The following NLGN1 variants were observed in gnomAD, a reference collection of about 807,000 sequenced individuals.
NLGN1 encodes the protein neuroligin 1, also known as neuroligin-1.
NLGN1 carries 12 observed loss-of-function variants against 65.5 expected under a neutral mutation model. The ratio of observed to expected loss-of-function variants is 0.18; its 90% CI spans 0.12 to 0.30. The LOEUF (loss-of-function observed/expected upper bound fraction) is 0.30, where lower values mean the gene tolerates loss of function less well. NLGN1 is among the 10% of genes least tolerant of loss of function. The probability of loss-of-function intolerance (pLI) is 1.00; values close to 1 mark genes in which losing one functional copy is unlikely to be tolerated. For synonymous variants in NLGN1, 350 were observed against 359.5 expected (o/e 0.97, Z 0.30); for missense variants, 750 against 1,007.1 (o/e 0.74, Z 3.46).
intron 3 of NLGN1, among the ~76,000 whole-genome samples, chr3:173,766,830 G>A (rs949334405): frequency 2.6e-5 from 4 of 152,110 alleles, no homozygotes; most frequent in African/African-American, 9.6e-5. Flanking sequence ...AAGCCAGATT[G>A]GAATAAAAAG....
At chr3:174,211,193 A>C (rs978702992) in intron 4 of NLGN1, among the ~76,000 whole-genome samples, 7 of 152,214 alleles carry the variant, frequency 4.6e-5, no homozygotes, top group Non-Finnish European at 8.8e-5. Flanking sequence ...GAGCGAAAGA[A>C]CAAAGCTTCC....
At chr3:174,115,979 T>G (rs941416738) in intron 4 of NLGN1, among the ~76,000 whole-genome samples, 1 of 152,182 alleles carries the variant, frequency 6.6e-6, no homozygotes, top group African/African-American at 2.4e-5. Flanking sequence ...CATAGTGAAT[T>G]GTGCATATGC....
chr3:173,776,728 G>A (rs1048867531), intron 3 of NLGN1, among the ~76,000 whole-genome samples: 1 of 151,968 alleles, frequency 6.6e-6, no homozygotes, highest in Non-Finnish European at 1.5e-5. Flanking sequence ...TAAAAGTAAT[G>A]TGGTTGACCT....
At chr3:173,497,184 G>C (rs553068770) in intron 2 of NLGN1, among the ~76,000 whole-genome samples, 1 of 151,884 alleles carries the variant, frequency 6.6e-6, no homozygotes, top group Admixed American at 6.6e-5. Flanking sequence ...AGGAGTTCGA[G>C]ACCAGCCTGG....
At chr3:173,471,830 G>C (rs1352199068) in intron 2 of NLGN1, among the ~76,000 whole-genome samples, 1 of 152,080 alleles carries the variant, frequency 6.6e-6, no homozygotes, top group African/African-American at 2.4e-5. Context: ...TTAGATTTAT[G>C]ATACTTGATA....
intron 4 of NLGN1, among the ~76,000 whole-genome samples, chr3:174,197,776 G>GTGTA (rs749823847): frequency 6.6e-6 from 1 of 151,102 alleles, no homozygotes; most frequent in African/African-American, 2.4e-5. Context: ...GTGTGTGTGT[G>GTGTA]TATGTAGATA....
intron 3 of NLGN1, among the ~76,000 whole-genome samples, chr3:173,669,910 C>G (rs896586828): frequency 6.6e-6 from 1 of 152,094 alleles, no homozygotes; most frequent in African/African-American, 2.4e-5. Context: ...CAGTTTAAAA[C>G]TATTATGTGA....
intron 4 of NLGN1, among the ~76,000 whole-genome samples, chr3:174,147,037 T>A (rs1252554831): frequency 1.3e-5 from 2 of 152,180 alleles, no homozygotes; most frequent in Non-Finnish European, 2.9e-5. Context: ...AATGGAAAAC[T>A]TTTGTTCAAG....
At chr3:173,526,623 A>G (rs1034027786) in intron 2 of NLGN1, among the ~76,000 whole-genome samples, 17 of 152,148 alleles carry the variant, frequency 1.1e-4, no homozygotes, top group African/African-American at 3.9e-4. Context: ...ATACTCTTTT[A>G]GTGATTTTTA....
At chr3:173,781,979 G>A (rs1190794186) in intron 3 of NLGN1, among the ~76,000 whole-genome samples, 1 of 152,132 alleles carries the variant, frequency 6.6e-6, no homozygotes, top group Non-Finnish European at 1.5e-5. Flanking sequence ...TCCCACTGAA[G>A]AACAGGCAAG....
chr3:173,715,602 C>T (rs1769716819), intron 3 of NLGN1, among the ~76,000 whole-genome samples: 1 of 152,044 alleles, frequency 6.6e-6, no homozygotes, highest in South Asian at 2.1e-4. Context: ...ACACGTTTTT[C>T]TTTTATTTTC....
chr3:173,990,048 T>C (rs1223769392), intron 4 of NLGN1, among the ~76,000 whole-genome samples: 1 of 152,172 alleles, frequency 6.6e-6, no homozygotes, highest in East Asian at 1.9e-4. Flanking sequence ...TTGTTTTGGG[T>C]AGGGATGGAT....
chr3:174,278,384 C>CAAAT (rs1293173170), intron 5 of NLGN1, among the ~76,000 whole-genome samples: 5 of 151,828 alleles, frequency 3.3e-5, no homozygotes, highest in African/African-American at 1.2e-4. Context: ...AATTCTTTTT[C>CAAAT]AAATAACATC....
intron 3 of NLGN1, among the ~76,000 whole-genome samples, chr3:173,800,596 T>G (rs1323142094): frequency 1.3e-5 from 2 of 151,792 alleles, no homozygotes; most frequent in East Asian, 3.9e-4. Flanking sequence ...GGCATTTTTT[T>G]TTTGTTTTCT....
intron 4 of NLGN1, among the ~76,000 whole-genome samples, chr3:174,228,803 A>G (rs1003920488): frequency 4.6e-5 from 7 of 152,074 alleles, no homozygotes; most frequent in African/African-American, 1.7e-4. Flanking sequence ...TTTCTATTCT[A>G]TTAGGTTTCT....
chr3:174,198,591 T>C (rs1733875830), intron 4 of NLGN1, among the ~76,000 whole-genome samples: 1 of 152,222 alleles, frequency 6.6e-6, no homozygotes, highest in Non-Finnish European at 1.5e-5. Flanking sequence ...AATAGTCCCA[T>C]CATTGGATAA....
chr3:174,274,242 A>G (rs190338406), intron 4 of NLGN1, among the ~76,000 whole-genome samples: 1,531 of 151,958 alleles, frequency 0.01, 14 homozygotes, highest in Non-Finnish European at 0.017. Context: ...ATTTTCATTT[A>G]TATTAAATGC....
chr3:174,217,842 T>C (rs1465596124), intron 4 of NLGN1, among the ~76,000 whole-genome samples: 1 of 151,980 alleles, frequency 6.6e-6, no homozygotes, highest in Non-Finnish European at 1.5e-5. Context: ...TAGGGGACTA[T>C]ATACATACAT....
intron 3 of NLGN1, among the ~76,000 whole-genome samples, chr3:173,678,281 G>A (rs1329907951): frequency 6.6e-6 from 1 of 152,078 alleles, no homozygotes; most frequent in African/African-American, 2.4e-5. Flanking sequence ...ATATGGCATG[G>A]TTCCTGCTTT....
Sources: gnomAD v4.1 joint callset for allele counts (sites outside exome capture counted in the v4.1 genomes callset) on GRCh38, gnomAD v4.1.1 for gene constraint, MANE v1.5 for transcripts, NCBI Gene and HGNC (gene_info 2026-07-23, HGNC 2026-07-21) for gene names.